The following TSNARE1 variants were observed in gnomAD, a reference collection of about 807,000 sequenced individuals.
TSNARE1 encodes t-SNARE domain containing 1, also known as t-SNARE domain-containing protein 1.
A neutral mutation model predicts 62.0 loss-of-function variants in TSNARE1; 49 were observed. The ratio of observed to expected loss-of-function variants is 0.79; its 90% CI spans 0.63 to 1.00. The LOEUF is 1.00. TSNARE1 is among the 50% of genes least tolerant of loss of function. TSNARE1 has a pLI of 0.00. For missense variants in TSNARE1, 755 were observed against 700.1 expected, an observed-to-expected ratio of 1.08 and a Z score of -0.88; for synonymous variants, 328 against 294.4, an observed-to-expected ratio of 1.11 and a Z score of -1.17.
At chr8:142,223,244 T>TCACTCACTCATTCACA (rs1816555583) in intron 13 of TSNARE1, among the ~76,000 whole-genome samples, 2 of 144,034 alleles carry the variant, frequency 1.4e-5, no homozygotes, top group Non-Finnish European at 3.0e-5. Context: ...ATTCATCCAC[T>TCACTCACTCATTCACA]CACTCACTCA....
intron 12 of TSNARE1, chr8:142,272,898 C>G: frequency 1.0e-6 from 1 of 984,914 alleles, no homozygotes; most frequent in Non-Finnish European, 1.2e-6. Context: ...GGGAAGGCCC[C>G]TCGCAGGCAG....
At position 142,357,324 on chromosome 8, in the gene TSNARE1, G is replaced by C. The variant is rs181394247; in HGVS notation, c.-39-2561C>G. On this transcript the variant is annotated intron_variant, in intron 1 of 13. Transcript: ENST00000524325. ...GGGGAGGGGCACTCAAACCCCAGGT[G>C]GGGAGGGTCCAGCAGTCCCAAGGAA... Among the ~76,000 whole-genome samples, 417 of 152,364 alleles carry C rather than the reference G, an allele frequency of 2.7e-3. 4 individuals are homozygous for C. The highest frequency in any genetic ancestry group is 9.4e-3 in the African/African-American group (390 of 41,582).
Position 142,274,862 on chromosome 8 carries a change from A to G in TSNARE1, c.1365T>C (p.Asp455=), listed in dbSNP as rs994020787. 7.7e-6 allele frequency: 12 copies of G among 1,556,408 alleles called. No homozygotes were observed. The highest frequency in any genetic ancestry group is 1.0e-5 in the Non-Finnish European group (12 of 1,151,322). The change falls in exon 12 of 14, where the codon GAT becomes GAC. Residue 455 remains aspartate (D), a splice_region_variant and synonymous_variant. Coordinates refer to ENST00000524325, the MANE Select transcript of TSNARE1 (RefSeq NM_145003.5). ...SMVSEQGEAV[D]SIEASLEAAS... is the part of the protein sequence containing the mutation. ...CAGCCTCAAGGCTGGCTTCAATACT[A>G]TCTGCAAATCAAGACAACAGAAGGC...
At chr8:142,389,526 A>C (rs1056908990) in intron 1 of TSNARE1, among the ~76,000 whole-genome samples, 2 of 152,194 alleles carry the variant, frequency 1.3e-5, no homozygotes, top group African/African-American at 2.4e-5. Context: ...TATGAACTAG[A>C]CCACCCATTT....
chr8:142,341,175 T>C (rs868726272), intron 4 of TSNARE1, among the ~76,000 whole-genome samples: 3 of 152,252 alleles, frequency 2.0e-5, no homozygotes, highest in East Asian at 1.9e-4. Context: ...GAGCCTGACA[T>C]TGGGGAGGGA....
chr8:142,341,087 C>T (rs1382853066), intron 4 of TSNARE1, among the ~76,000 whole-genome samples: 1 of 152,200 alleles, frequency 6.6e-6, no homozygotes, highest in African/African-American at 2.4e-5. Flanking sequence ...ACAAAACACT[C>T]TCACACTCCC....
At chr8:142,381,092 T>C (rs2131214837) in intron 1 of TSNARE1, among the ~76,000 whole-genome samples, 1 of 152,340 alleles carries the variant, frequency 6.6e-6, no homozygotes, top group South Asian at 2.1e-4. Flanking sequence ...ATCAGGGCCG[T>C]CAGGGCCTTG....
At chr8:142,249,516 G>A (rs1397261120) in intron 12 of TSNARE1, among the ~76,000 whole-genome samples, 5 of 152,194 alleles carry the variant, frequency 3.3e-5, no homozygotes, top group Non-Finnish European at 5.9e-5. Context: ...GCTAAAGGAA[G>A]TGGGGAGGAT....
intron 12 of TSNARE1, among the ~76,000 whole-genome samples, chr8:142,260,859 C>A (rs543512422): frequency 6.7e-5 from 10 of 148,782 alleles, no homozygotes; most frequent in African/African-American, 1.7e-4. Context: ...AGAGCCTCTG[C>A]AGCTGGGTCA....
chr8:142,381,387 C>T (rs1836733209), intron 1 of TSNARE1, among the ~76,000 whole-genome samples: 1 of 152,190 alleles, frequency 6.6e-6, no homozygotes, highest in Non-Finnish European at 1.5e-5. Context: ...CTGCCCAACG[C>T]ACTCCTGTCA....
At chr8:142,389,415 T>A (rs1022889872) in intron 1 of TSNARE1, among the ~76,000 whole-genome samples, 1 of 152,188 alleles carries the variant, frequency 6.6e-6, no homozygotes. Context: ...AATTTGGCAA[T>A]GTACATCAAA....
At chr8:142,232,910 T>C (rs1817197454) in intron 12 of TSNARE1, among the ~76,000 whole-genome samples, 1 of 152,298 alleles carries the variant, frequency 6.6e-6, no homozygotes, top group East Asian at 1.9e-4. Context: ...GCAACATCCC[T>C]GGAAGGGAGG....
chr8:142,365,470 C>G (rs1449712464), intron 1 of TSNARE1, among the ~76,000 whole-genome samples: 2 of 152,194 alleles, frequency 1.3e-5, no homozygotes, highest in East Asian at 3.8e-4. Context: ...GCTATTGTAT[C>G]CATGTCAATG....
At chr8:142,346,951 G>A (rs979927451) in intron 2 of TSNARE1, among the ~76,000 whole-genome samples, 8 of 152,316 alleles carry the variant, frequency 5.3e-5, no homozygotes, top group Admixed American at 3.9e-4. Flanking sequence ...CGAGGTGGGC[G>A]AGGGCCCAAA....
rs1491290575 is a variant in TSNARE1, at chr8:142,328,819, G to GGGGC, written c.893+2081_893+2082insGCCC. On this transcript the variant is annotated intron_variant, in intron 6 of 13. Coordinates refer to ENST00000524325, the MANE Select transcript of TSNARE1 (RefSeq NM_145003.5). ...GGGGGTCTGTGACAGGGAGGCCTTT[G>GGGGC]GGGGGGGGGAGGGTTCCGCACACAG... Among the ~76,000 whole-genome samples, 135 of 81,258 alleles carry GGGGC rather than the reference G, an allele frequency of 1.7e-3. 2 individuals carry two copies. The highest frequency in any genetic ancestry group is 6.2e-3 in the African/African-American group (127 of 20,588). The allele number at this position is 81,258 out of a possible 152,430, so 53.3% of individuals were successfully genotyped here. A position where few individuals can be genotyped will look rare whatever the true frequency, so the allele number is the denominator to read the frequency against.
intron 10 of TSNARE1, among the ~76,000 whole-genome samples, chr8:142,289,665 GC>G (rs1823417646): frequency 6.6e-6 from 1 of 152,360 alleles, no homozygotes; most frequent in South Asian, 2.1e-4. Context: ...CTACCAGGCA[GC>G]CCCAAGCCCT....
chr8:142,268,808 T>C (rs922359969), intron 12 of TSNARE1, among the ~76,000 whole-genome samples: 1 of 152,130 alleles, frequency 6.6e-6, no homozygotes, highest in African/African-American at 2.4e-5. Context: ...TCCTGGGCCA[T>C]GAGGACCACG....
At chr8:142,308,985 T>G (rs1563881066) in intron 9 of TSNARE1, among the ~76,000 whole-genome samples, 1 of 152,212 alleles carries the variant, frequency 6.6e-6, no homozygotes, top group Non-Finnish European at 1.5e-5. Flanking sequence ...CTTAGTAATG[T>G]GGCATGTTTT....
intron 11 of TSNARE1, among the ~76,000 whole-genome samples, chr8:142,282,191 A>G (rs1821610846): frequency 6.6e-6 from 1 of 152,070 alleles, no homozygotes. Context: ...CCAGGCCTGC[A>G]CGTTCCCATG....
Sources: allele counts gnomAD v4.1 joint callset (sites outside exome capture counted in the v4.1 genomes callset), GRCh38; gene constraint gnomAD v4.1.1; transcripts MANE v1.5; gene names NCBI Gene and HGNC (gene_info 2026-07-23, HGNC 2026-07-21).